Variants in ZIC3 observed in about 807,000 individuals in gnomAD.
ZIC3 encodes Zic family zinc finger 3.
In ZIC3, 6 loss-of-function variants were observed where a neutral mutation model predicts 18.3. The observed-to-expected ratio is 0.33, with a 90% CI of 0.18 to 0.65. The LOEUF (loss-of-function observed/expected upper bound fraction) is 0.65, where lower values mean the gene tolerates loss of function less well. Ranked by LOEUF, ZIC3 falls within the 30% of genes least tolerant of loss-of-function variation. ZIC3 has a pLI of 0.75. For synonymous variants in ZIC3, 175 were observed against 177.0 expected (o/e 0.99, Z 0.09); for missense variants, 260 against 410.0 (o/e 0.63, Z 3.16).
downstream of ZIC3, among the ~76,000 whole-genome samples, chrX:137,574,688 G>C (rs1197374340): frequency 8.9e-6 from 1 of 112,020 alleles, no homozygotes; most frequent in African/African-American, 3.2e-5. Flanking sequence ...CCGCGGCCTC[G>C]GTCGAGCTGG....
rs749955088 is a variant in ZIC3, at chrX:137,566,850, C to CGCT, written c.162_164dup (p.Ala55dup). The CGCT allele has an allele frequency of 9.5e-6, 11 of 1,161,404 alleles. No homozygotes were observed. The highest frequency in any genetic ancestry group is 5.2e-5 in the Admixed American group (2 of 38,741). ...ACGCCGCCGCCGCCGCCGCCGCCGC[C>CGCT]GCTGCCTTCAAGCTGAGCCCTGCCG... On this transcript the variant is annotated inframe_insertion, in exon 1 of 3. Transcript: ENST00000287538.
rs1470360335 is a variant in ZIC3, at chrX:137,566,994, G to A, written c.303G>A (p.Val101=). ...HHHHHHHTSQ[V]PSYGGAASAA... ...ACCATCATCACCACACCAGCCAGGT[G>A]CCCAGCTACGGTGGCGCTGCCTCTG... The change falls in exon 1 of 3, where the codon GTG becomes GTA. Residue 101 remains valine (V), a synonymous_variant. Transcript: ENST00000287538. 1 of 1,167,354 alleles carries A rather than the reference G, an allele frequency of 8.6e-7. No individual in the cohort carries two copies.
chrX:137,576,160 AG>A (rs780504640), downstream of ZIC3, among the ~76,000 whole-genome samples: 24 of 108,816 alleles, frequency 2.2e-4, no homozygotes, highest in South Asian at 8.5e-4. Context: ...GAGAGATCAA[AG>A]GAAGTAAATG....
intron 2 of ZIC3, 74 bp downstream of exon 2, chrX:137,569,139 C>T (rs1356121664): frequency 1.8e-6 from 2 of 1,142,323 alleles, no homozygotes; most frequent in African/African-American, 3.7e-5. Context: ...ACGGAAGCGC[C>T]CGCGCTGCCA....
rs1931359422 is a variant in ZIC3, at chrX:137,567,143, C to G, written c.452C>G (p.Ala151Gly). ...AGSASSLHAP[A>G]GIPEPPSYLL... Reference sequence around the variant, plus strand: ...TCGGCGAGCAGCCTGCATGCTCCAGCTGGCATCCCCGAGCCCCCTAGCTAC... The same window carrying G: ...TCGGCGAGCAGCCTGCATGCTCCAGGTGGCATCCCCGAGCCCCCTAGCTAC... Residue 151 changes from alanine to glycine, a missense_variant, in exon 1 of 3, where the codon GCT becomes GGT. Coordinates refer to ENST00000287538, the MANE Select transcript of ZIC3 (RefSeq NM_003413.4). The G allele has an allele frequency of 1.7e-6, 2 of 1,205,690 alleles. No homozygotes were observed. Among genetic ancestry groups the G allele is most frequent in the Non-Finnish European group, 2.2e-6 (2 of 892,535 alleles).
downstream of ZIC3, chrX:137,577,055 T>C (rs1182997912): frequency 1.2e-5 from 5 of 428,216 alleles, no homozygotes; most frequent in East Asian, 2.0e-4. Flanking sequence ...TTTTATGACA[T>C]TCTTTTCTAA....
chrX:137,572,781 A>C (rs1931456135), downstream of ZIC3, among the ~76,000 whole-genome samples: 1 of 111,244 alleles, frequency 9.0e-6, no homozygotes, highest in South Asian at 3.8e-4. Flanking sequence ...ATATCTCCTG[A>C]GACAAAGAGC....
downstream of ZIC3, among the ~76,000 whole-genome samples, chrX:137,576,388 G>A (rs1293604848): frequency 8.9e-6 from 1 of 112,168 alleles, no homozygotes; most frequent in Non-Finnish European, 1.9e-5. Flanking sequence ...AGATGCATTG[G>A]TGGACTGTTT....
downstream of ZIC3, among the ~76,000 whole-genome samples, chrX:137,575,821 A>G (rs1810763194): frequency 8.9e-6 from 1 of 111,970 alleles, no homozygotes; most frequent in Non-Finnish European, 1.9e-5. Context: ...GCAGAGAACA[A>G]TTGATGGGGT....
chrX:137,569,746 T>C, intron 2 of ZIC3, 145 bp from the exon 3 acceptor site: 1 of 569,527 alleles, frequency 1.8e-6, no homozygotes, highest in East Asian at 3.6e-5. Flanking sequence ...ACATCGGTAA[T>C]ACGGATTTTT....
chrX:137,574,712 G>A (rs1479910836), downstream of ZIC3, among the ~76,000 whole-genome samples: 1 of 112,760 alleles, frequency 8.9e-6, no homozygotes, highest in East Asian at 2.8e-4. Context: ...GGAGGGGAGG[G>A]GAGGTATGTG....
chrX:137,573,158 AAAC>A (rs776122325), downstream of ZIC3, among the ~76,000 whole-genome samples: 1,798 of 68,894 alleles, frequency 0.026, 35 homozygotes, highest in African/African-American at 0.072. Context: ...AAAAAAAAAA[AAAC>A]CAAACAAACC....
intron 2 of ZIC3, among the ~76,000 whole-genome samples, chrX:137,569,452 A>C (rs1019820339): frequency 2.7e-5 from 3 of 112,241 alleles, no homozygotes; most frequent in Admixed American, 9.4e-5. Context: ...AATAGGGCCG[A>C]GGAGTGCAAT....
exon 3 of ZIC3, chrX:137,577,477 G>C: frequency 3.3e-6 from 1 of 301,784 alleles, no homozygotes; most frequent in Non-Finnish European, 5.8e-6. Context: ...TGGAGGTGAA[G>C]ACTGGCCTAA....
rs1308496629 is a variant in ZIC3, at chrX:137,571,651, G to A, written c.*1581G>A. ...TATGTATTTTTAAAGTTCATGATTT[G>A]TAGGCAAAGATGTTAAGAGCATTGT... On this transcript the variant is annotated 3_prime_UTR_variant, in exon 3 of 3. Transcript: ENST00000287538. 2 of 112,748 alleles carry A rather than the reference G, an allele frequency of 1.8e-5. No individual in the cohort carries two copies. The highest frequency in any genetic ancestry group is 9.4e-5 in the Admixed American group (1 of 10,633). The allele number at this position is 112,748 out of a possible 1,213,427, so 9.3% of individuals were successfully genotyped here.
chrX:137,566,883 C>A lies in ZIC3; in HGVS notation c.192C>A (p.His64Gln). 1.7e-6 allele frequency: 2 copies of A among 1,164,459 alleles called. No individual in the cohort carries two copies. Among genetic ancestry groups the A allele is most frequent in the African/African-American group, 1.8e-5 (1 of 56,594 alleles). Residue 64 changes from histidine to glutamine, a missense_variant, in exon 1 of 3, where the codon CAC becomes CAA. By Grantham distance (24) the His-to-Gln change is conservative. Around this residue, in one of 4 missense-constraint regions of ZIC3, gnomAD observed 183 missense variants for 223.8 expected, o/e 0.82. Coordinates refer to ENST00000287538, the MANE Select transcript of ZIC3 (RefSeq NM_003413.4). The stretch of plus-strand genomic sequence containing the variant: ...TCAAGCTGAGCCCTGCCGCGGCGCA[C>A]GATCTATCTTCAGGCCAGAGCTCGG... ...AAFKLSPAAA[H>Q]DLSSGQSSAF...
In ZIC3 at chrX:137,566,999, G is replaced by A. The variant is rs753919160; in HGVS notation, c.308G>A (p.Ser103Asn). The change falls in exon 1 of 3, where the codon AGC becomes AAC. Residue 103 changes from serine (S) to asparagine (N), a missense_variant. Physicochemically the swap from Ser to Asn is conservative, Grantham distance 46 (BLOSUM62 1). Transcript: ENST00000287538. ...HHHHHTSQVP[S>N]YGGAASAAFN... ...CATCACCACACCAGCCAGGTGCCCA[G>A]CTACGGTGGCGCTGCCTCTGCCGCC... 8.6e-7 allele frequency: 1 copy of A among 1,167,479 alleles called. No individual in the cohort carries two copies. The highest frequency in any genetic ancestry group is 1.1e-6 in the Non-Finnish European group (1 of 873,174).
At chrX:137,572,608 T>C (rs773086852), downstream of ZIC3, among the ~76,000 whole-genome samples, 33 of 112,153 alleles carry the variant, frequency 2.9e-4, no homozygotes, top group Non-Finnish European at 5.4e-4. Flanking sequence ...CTAAATAGTG[T>C]ATTTTTCTTC....
downstream of ZIC3, among the ~76,000 whole-genome samples, chrX:137,576,096 T>C (rs1370590223): frequency 9.3e-6 from 1 of 107,123 alleles, no homozygotes; most frequent in East Asian, 3.0e-4. Context: ...CTTCCCCGGT[T>C]CACTCACTCC....
Sources: gnomAD v4.1 joint callset for allele counts (sites outside exome capture counted in the v4.1 genomes callset) on GRCh38, gnomAD v4.1.1 for gene constraint, gnomAD v4.1.1 regional missense constraint, MANE v1.5 for transcripts, NCBI Gene and HGNC (gene_info 2026-07-23, HGNC 2026-07-21) for gene names.